DENND1A: variants seen among roughly 807,000 people sequenced by gnomAD.
DENND1A encodes DENN domain containing 1A.
DENND1A carries 51 observed loss-of-function variants against 113.7 expected under a neutral mutation model. That is an observed-to-expected ratio of 0.45 (90% CI 0.36 to 0.57). The LOEUF is 0.57. Ranked by LOEUF, DENND1A falls within the 20% of genes least tolerant of loss-of-function variation. The probability of loss-of-function intolerance (pLI) is 0.00; values close to 1 mark genes in which losing one functional copy is unlikely to be tolerated. For missense variants in DENND1A, 1,258 were observed against 1,395.9 expected (o/e 0.90, Z 1.57); for synonymous variants, 565 against 570.8 (o/e 0.99, Z 0.14).
intron 13 of DENND1A, among the ~76,000 whole-genome samples, chr9:123,545,820 C>G (rs1258602165): frequency 6.6e-6 from 1 of 152,120 alleles, no homozygotes; most frequent in Non-Finnish European, 1.5e-5. Flanking sequence ...TATGAAGTCA[C>G]TTAGCACCAT....
chr9:123,382,797 C>G (rs113229359), intron 23 of DENND1A, among the ~76,000 whole-genome samples, 172 bp from the exon 24 acceptor site: 1 of 152,234 alleles, frequency 6.6e-6, no homozygotes. Flanking sequence ...GCAGAGGACC[C>G]ACGTGTGCTG....
At chr9:123,516,983 T>C (rs547052751) in intron 13 of DENND1A, among the ~76,000 whole-genome samples, 1 of 142,328 alleles carries the variant, frequency 7.0e-6, no homozygotes, top group Admixed American at 6.9e-5. Flanking sequence ...ACCTTAAAAA[T>C]AATCATATCC....
chr9:123,707,065 A>G (rs2066265075), intron 5 of DENND1A, among the ~76,000 whole-genome samples: 1 of 152,128 alleles, frequency 6.6e-6, no homozygotes, highest in African/African-American at 2.4e-5. Flanking sequence ...ATGACATGAC[A>G]CTGGGTGCAA....
chr9:123,706,498 G>A (rs1044295307), intron 5 of DENND1A, among the ~76,000 whole-genome samples: 7 of 151,862 alleles, frequency 4.6e-5, no homozygotes, highest in Admixed American at 1.3e-4. Flanking sequence ...TCGGCTGGGC[G>A]CGGTGGCTCA....
At chr9:123,873,031 G>C (rs1182913016) in intron 2 of DENND1A, among the ~76,000 whole-genome samples, 2 of 152,202 alleles carry the variant, frequency 1.3e-5, no homozygotes, top group Non-Finnish European at 2.9e-5. Context: ...GCACAGATCA[G>C]AGATGCAGAT....
At chr9:123,439,392 A>G (rs1029191573) in intron 19 of DENND1A, among the ~76,000 whole-genome samples, 3 of 152,240 alleles carry the variant, frequency 2.0e-5, no homozygotes, top group African/African-American at 7.2e-5. Context: ...AGTAACCTGG[A>G]GCAAGAATTT....
chr9:123,664,929 A>G (rs2063422110), intron 8 of DENND1A, among the ~76,000 whole-genome samples: 2 of 152,114 alleles, frequency 1.3e-5, no homozygotes, highest in South Asian at 4.1e-4. Context: ...CTCTTCCTGC[A>G]TTACTTTCCC....
intron 2 of DENND1A, among the ~76,000 whole-genome samples, chr9:123,800,094 T>C (rs950314696): frequency 6.6e-6 from 1 of 152,254 alleles, no homozygotes; most frequent in African/African-American, 2.4e-5. Flanking sequence ...AAACTGATTT[T>C]CTCTACATTG....
intron 13 of DENND1A, among the ~76,000 whole-genome samples, chr9:123,529,123 T>C (rs1258630758): frequency 1.3e-5 from 2 of 152,208 alleles, no homozygotes; most frequent in Non-Finnish European, 2.9e-5. Context: ...ATATGACCAA[T>C]GCAATATTTT....
chr9:123,817,803 G>C (rs1026340045), intron 2 of DENND1A, among the ~76,000 whole-genome samples: 2 of 152,082 alleles, frequency 1.3e-5, no homozygotes, highest in Non-Finnish European at 2.9e-5. Flanking sequence ...GAGGTGGGTG[G>C]ATCACCTGAG....
At chr9:123,902,827 C>A (rs1588156827) in intron 1 of DENND1A, among the ~76,000 whole-genome samples, 2 of 144,622 alleles carry the variant, frequency 1.4e-5, no homozygotes, top group Non-Finnish European at 1.5e-5. Flanking sequence ...TTTAAAAAGG[C>A]CAATGTAACC....
At chr9:123,638,066 C>T (rs910449990) in intron 9 of DENND1A, among the ~76,000 whole-genome samples, 3 of 152,244 alleles carry the variant, frequency 2.0e-5, no homozygotes, top group South Asian at 4.1e-4. Context: ...GGCAATCAAC[C>T]GCCTGCTTAA....
Position 123,430,089 on chromosome 9 carries a change from G to C in DENND1A, c.1488+10271C>G, listed in dbSNP as rs142517870. ...GTGGCCAATGAACATATGAAAAAAA[G>C]CTCAACATCAGTAGTCATTAGAGAA... On this transcript the variant is annotated intron_variant, in intron 19 of 23. Coordinates refer to ENST00000394215, the MANE Select transcript of DENND1A (RefSeq NM_001352964.2). Among the ~76,000 whole-genome samples, 315 of 152,276 alleles carry C rather than the reference G, an allele frequency of 2.1e-3. 3 individuals carry two copies. The highest frequency in any genetic ancestry group is 6.8e-3 in the African/African-American group (282 of 41,546).
chr9:123,387,846 G>A lies in DENND1A; in HGVS notation c.1644C>T (p.Pro548=). 2 of 1,290,060 alleles carry A rather than the reference G, an allele frequency of 1.6e-6. No individual in the cohort carries two copies. The highest frequency in any genetic ancestry group is 2.0e-6 in the Non-Finnish European group (2 of 988,930). 79.9% of individuals were successfully genotyped at this position (1,290,060 alleles called of 1,614,324 possible). A position where few individuals can be genotyped will look rare whatever the true frequency, so the allele number is the denominator to read the frequency against. ...SVPSPEHLVK[P]LRHYAVFLSE... is the part of the protein sequence containing the mutation. ...AGAGGAAGACCGCATAGTGTCGCAAGGGCTTTACCAGGCTGGGGCAGAGGA... is the reference window on the plus strand; with the variant it reads ...AGAGGAAGACCGCATAGTGTCGCAAAGGCTTTACCAGGCTGGGGCAGAGGA... Residue 548 remains proline, a synonymous_variant, in exon 22 of 24, where the codon CCC becomes CCT. Coordinates refer to ENST00000394215, the MANE Select transcript of DENND1A (RefSeq NM_001352964.2).
chr9:123,544,667 G>T (rs950296544), intron 13 of DENND1A, among the ~76,000 whole-genome samples: 4 of 152,162 alleles, frequency 2.6e-5, no homozygotes, highest in Non-Finnish European at 5.9e-5. Context: ...TCCACAGGGG[G>T]GCTGTAAAAA....
rs374521148 is a variant in DENND1A at position 123,381,911 on chromosome 9, G to T, written c.2734C>A (p.Pro912Thr). Residue 912 changes from proline (P) to threonine (T), a missense_variant, in exon 24 of 24, where the codon CCA becomes ACA. Pro to Thr is a conservative substitution (Grantham distance 38). Around this residue, in one of 2 missense-constraint regions of DENND1A, gnomAD observed 1,159 missense variants for 1,231.7 expected, o/e 0.94. Transcript: ENST00000394215. This position sits in a 1 kb window ranked among gnomAD's most constrained non-coding sequence, Gnocchi z 4.7. ...APPTLPLVST[P>T]AGPFGAPPAS... is the part of the protein sequence containing the mutation. The stretch of plus-strand genomic sequence containing the variant: ...GGAGGGGCCCCGAAAGGCCCGGCTG[G>T]TGTGGAGACCAGGGGCAGGGTGGGT... 2.1e-4 allele frequency: 302 copies of T among 1,430,736 alleles called. 1 individual carries two copies. The highest frequency in any genetic ancestry group is 2.4e-4 in the Middle Eastern group (1 of 4,224). The allele number at this position is 1,430,736 out of a possible 1,614,324, so 88.6% of individuals were successfully genotyped here.
chr9:123,617,549 A>C (rs771928017), intron 10 of DENND1A, among the ~76,000 whole-genome samples: 35 of 152,174 alleles, frequency 2.3e-4, no homozygotes, highest in Admixed American at 9.2e-4. Flanking sequence ...AAATGAACAC[A>C]TGAGTTACAA....
intron 2 of DENND1A, among the ~76,000 whole-genome samples, chr9:123,841,734 G>A (rs1458733494): frequency 6.6e-6 from 1 of 152,152 alleles, no homozygotes; most frequent in Non-Finnish European, 1.5e-5. Context: ...TGAGAAAGAG[G>A]TTTAGGACAA....
In DENND1A at chr9:123,383,751, C is replaced by A; in HGVS notation, c.1923G>T (p.Met641Ile). ...LLEDVFSNLD[M>I]EAALQPLGQA... ...GGCCCAGTGGCTGCAGTGCGGCCTC[C>A]ATGTCCAGGTTGCTGAAGACGTCTT... The change falls in exon 23 of 24, where the codon ATG (methionine) becomes ATT (isoleucine). Residue 641 changes from methionine to isoleucine, a missense_variant. Met to Ile is a conservative substitution (Grantham distance 10). Around this residue, in one of 2 missense-constraint regions of DENND1A, gnomAD observed 1,159 missense variants for 1,231.7 expected, o/e 0.94. Transcript: ENST00000394215. The A allele has an allele frequency of 1.9e-6, 3 of 1,614,170 alleles. No individual in the cohort carries two copies. Among genetic ancestry groups the A allele is most frequent in the Non-Finnish European group, 2.5e-6 (3 of 1,180,046 alleles).
Sources: gnomAD v4.1 joint callset for allele counts (sites outside exome capture counted in the v4.1 genomes callset) on GRCh38, gnomAD v4.1.1 for gene constraint, gnomAD v4.1.1 regional missense constraint, Gnocchi (gnomAD v3.1) non-coding constraint, MANE v1.5 for transcripts, NCBI Gene and HGNC (gene_info 2026-07-23, HGNC 2026-07-21) for gene names.